Variants in ADAM20 observed in about 807,000 individuals in gnomAD.
ADAM20 encodes ADAM metallopeptidase domain 20.
For synonymous variants in ADAM20, 305 were observed against 310.2 expected (o/e 0.98, Z 0.18); for missense variants, 871 against 883.2 (o/e 0.99, Z 0.18).
upstream of ADAM20, among the ~76,000 whole-genome samples, chr14:70,535,684 C>T (rs1270871078): frequency 5.3e-5 from 8 of 152,130 alleles, no homozygotes; most frequent in Non-Finnish European, 1.0e-4. Flanking sequence ...GATCTCAACA[C>T]GCTCCAGAGC....
chr14:70,571,854 C>A, the ADAM20 span, among the ~76,000 whole-genome samples: 5 of 152,014 alleles, frequency 3.3e-5, no homozygotes, highest in Admixed American at 6.6e-5. Flanking sequence ...AGCTGAGAAC[C>A]AAATCAAGAA....
At chr14:70,564,651 TAAAAG>T in the ADAM20 span, among the ~76,000 whole-genome samples, 1 of 146,632 alleles carries the variant, frequency 6.8e-6, no homozygotes, top group East Asian at 2.0e-4. Flanking sequence ...CTCAGTGAGA[TAAAAG>T]AGAATGTTGA....
chr14:70,556,437 C>CA, the ADAM20 span: 1 of 152,516 alleles, frequency 6.6e-6, no homozygotes, highest in African/African-American at 2.4e-5. Flanking sequence ...ATGGAGCCCC[C>CA]AGCCCCGAGT....
chr14:70,530,811 C>T (rs1163707735), intron 1 of ADAM20, among the ~76,000 whole-genome samples: 1 of 150,946 alleles, frequency 6.6e-6, no homozygotes, highest in South Asian at 2.1e-4. Flanking sequence ...CACAGCATAC[C>T]AAAACTTATA....
chr14:70,541,659 A>G, the ADAM20 span, among the ~76,000 whole-genome samples: 1 of 152,226 alleles, frequency 6.6e-6, no homozygotes, highest in Non-Finnish European at 1.5e-5. Context: ...ATTTGGTATA[A>G]AAGCATACAG....
intron 1 of ADAM20, among the ~76,000 whole-genome samples, chr14:70,528,626 G>T (rs1334155278): frequency 6.6e-6 from 1 of 152,164 alleles, no homozygotes; most frequent in African/African-American, 2.4e-5. Context: ...GACCATGCCA[G>T]ATTTGACTGA....
Position 70,523,247 on chromosome 14 carries a change from T to A in ADAM20, c.1511A>T (p.Tyr504Phe). 6.2e-7 allele frequency: 1 copy of A among 1,614,046 alleles called. No individual in the cohort carries two copies. The highest frequency in any genetic ancestry group is 1.1e-5 in the South Asian group (1 of 91,082). Residue 504 changes from tyrosine (Y) to phenylalanine (F), a missense_variant, in exon 2 of 2, where the codon TAT (tyrosine) becomes TTT (phenylalanine). By Grantham distance (22) the Tyr-to-Phe change is conservative (BLOSUM62 3). Coordinates refer to ENST00000256389, the MANE Select transcript of ADAM20 (RefSeq NM_003814.5). ...GISCNVNAFC[Y>F]EKTCNNHDIQ... ...ATCATGGTTATTACACGTCTTTTCA[T>A]AGCAGAAGGCATTCACATTACAGGA...
the ADAM20 span, among the ~76,000 whole-genome samples, chr14:70,563,441 G>A: frequency 1.3e-5 from 2 of 152,218 alleles, no homozygotes; most frequent in African/African-American, 2.4e-5. Flanking sequence ...ATACCTGTGT[G>A]AGAAACTTTT....
the ADAM20 span, among the ~76,000 whole-genome samples, chr14:70,561,113 T>C: frequency 2.0e-5 from 3 of 152,226 alleles, no homozygotes; most frequent in Non-Finnish European, 4.4e-5. Context: ...ATATGAACTA[T>C]GAAGTCCAGG....
chr14:70,545,978 A>G, the ADAM20 span, among the ~76,000 whole-genome samples: 3 of 152,356 alleles, frequency 2.0e-5, no homozygotes, highest in Admixed American at 1.3e-4. Context: ...GAAAACATTC[A>G]AAAAACTGAA....
intron 1 of ADAM20, among the ~76,000 whole-genome samples, chr14:70,526,513 A>G (rs1447609253): frequency 6.6e-6 from 1 of 152,214 alleles, no homozygotes; most frequent in East Asian, 1.9e-4. Context: ...TGGAACATTA[A>G]GATGGAAATG....
chr14:70,543,016 A>G, the ADAM20 span, among the ~76,000 whole-genome samples: 1 of 152,212 alleles, frequency 6.6e-6, no homozygotes, highest in Non-Finnish European at 1.5e-5. Flanking sequence ...CAAGTATAAT[A>G]AAGCAAACCA....
At chr14:70,554,934 A>T in the ADAM20 span, among the ~76,000 whole-genome samples, 3 of 152,242 alleles carry the variant, frequency 2.0e-5, no homozygotes, top group Non-Finnish European at 2.9e-5. Context: ...ATGGGGGCTC[A>T]AAGGCGTCGT....
At chr14:70,534,036 T>C (rs577863801) in intron 1 of ADAM20, among the ~76,000 whole-genome samples, 49 of 137,712 alleles carry the variant, frequency 3.6e-4, no homozygotes, top group African/African-American at 1.0e-3. Flanking sequence ...TGAGCCAAGA[T>C]TGGGCCACCG....
the ADAM20 span, among the ~76,000 whole-genome samples, chr14:70,574,524 C>A: frequency 6.6e-6 from 1 of 151,954 alleles, no homozygotes; most frequent in Non-Finnish European, 1.5e-5. Context: ...CGTGTAGTCC[C>A]AGCTACTCAG....
At chr14:70,568,917 T>C in the ADAM20 span, among the ~76,000 whole-genome samples, 4 of 151,960 alleles carry the variant, frequency 2.6e-5, no homozygotes, top group Non-Finnish European at 5.9e-5. Context: ...CTAATCTTGC[T>C]AGAGAGGTCA....
upstream of ADAM20, among the ~76,000 whole-genome samples, chr14:70,538,510 C>T (rs189397811): frequency 3.3e-5 from 5 of 152,258 alleles, no homozygotes; most frequent in East Asian, 9.6e-4. Flanking sequence ...ATGTTTTTCT[C>T]TTCATAAATC....
At chr14:70,550,764 C>G in the ADAM20 span, among the ~76,000 whole-genome samples, 2 of 66,600 alleles carry the variant, frequency 3.0e-5, no homozygotes, top group African/African-American at 1.6e-4. Context: ...TGAAACTATT[C>G]CAATCAATAG....
chr14:70,536,344 TA>T (rs1393450849), upstream of ADAM20, among the ~76,000 whole-genome samples: 1 of 151,554 alleles, frequency 6.6e-6, no homozygotes, highest in African/African-American at 2.4e-5. Flanking sequence ...TGGGCATCTG[TA>T]ATCCCAGCTA....
Sources: allele counts gnomAD v4.1 joint callset (sites outside exome capture counted in the v4.1 genomes callset), GRCh38; gene constraint gnomAD v4.1.1; transcripts MANE v1.5; gene names NCBI Gene and HGNC (gene_info 2026-07-23, HGNC 2026-07-21).